The following ZNF609 variants were observed in gnomAD, a reference collection of about 807,000 sequenced individuals.
ZNF609 encodes the protein zinc finger protein 609.
Under a neutral mutation model 109.5 loss-of-function variants are expected in ZNF609, and 11 were observed. The ratio of observed to expected loss-of-function variants is 0.10; its 90% CI spans 0.06 to 0.17. ZNF609 has a LOEUF of 0.17. Among genes scored for constraint, ZNF609 ranks in the 10% least tolerant of loss-of-function variants. The pLI is 1.00. For missense variants in ZNF609, 1,559 were observed against 1,772.4 expected, an observed-to-expected ratio of 0.88 and a Z score of 2.16; for synonymous variants, 646 against 662.0, an observed-to-expected ratio of 0.98 and a Z score of 0.37.
At position 64,680,314 on chromosome 15, in the gene ZNF609, A is replaced by G; in HGVS notation, c.3899A>G (p.Asp1300Gly). The change falls in exon 7 of 10, where the codon GAC becomes GGC. Residue 1300 changes from aspartate (D) to glycine (G), a missense_variant. By Grantham distance (94) the Asp-to-Gly change is moderately conservative (BLOSUM62 -1). Coordinates refer to ENST00000326648, the MANE Select transcript of ZNF609 (RefSeq NM_015042.2). ...TCCAGCTCAGAGTCCAAAGCCCTGG[A>G]CATCTTGCAGCAGCATGCCAGTCAC... ...CKSSSESKAL[D>G]ILQQHASHYK... The G allele has an allele frequency of 6.2e-7, 1 of 1,614,200 alleles. No homozygotes were observed. The highest frequency in any genetic ancestry group is 1.1e-5 in the South Asian group (1 of 91,086).
At chr15:64,634,997 C>G (rs2140986152) in intron 3 of ZNF609, among the ~76,000 whole-genome samples, 1 of 152,280 alleles carries the variant, frequency 6.6e-6, no homozygotes, top group South Asian at 2.1e-4. Context: ...TATATGTCCA[C>G]TGTCATACAT....
chr15:64,522,729 G>A (rs1308096718), intron 2 of ZNF609, among the ~76,000 whole-genome samples: 1 of 152,122 alleles, frequency 6.6e-6, no homozygotes, highest in Non-Finnish European at 1.5e-5. Context: ...ATTTGCTTTC[G>A]TTGATGAGCT....
chr15:64,550,785 G>A (rs561968675), intron 2 of ZNF609, among the ~76,000 whole-genome samples: 3 of 145,564 alleles, frequency 2.1e-5, no homozygotes, highest in Admixed American at 7.0e-5. Context: ...GCAGTGAGCC[G>A]ATGATCGTGC....
Position 64,577,313 on chromosome 15 carries a change from A to G in ZNF609, c.748-45514A>G, listed in dbSNP as rs140790945. Among the ~76,000 whole-genome samples the G allele has an allele frequency of 7.2e-4, 15 of 20,732 alleles. 6 individuals carry two copies. The highest frequency in any genetic ancestry group is 3.5e-3 in the Non-Finnish European group (11 of 3,118). 13.6% of individuals were successfully genotyped at this position (20,732 alleles called of 152,430 possible). A position where few individuals can be genotyped will look rare whatever the true frequency, so the allele number is the denominator to read the frequency against. On this transcript the variant is annotated intron_variant, in intron 2 of 9. Coordinates refer to ENST00000326648, the MANE Select transcript of ZNF609 (RefSeq NM_015042.2). The stretch of plus-strand genomic sequence containing the variant: ...TACACACAAATATATACATATATGT[A>G]TATATATACACACAAATATATACAT...
chr15:64,517,276 C>T (rs1318029773), intron 2 of ZNF609, among the ~76,000 whole-genome samples: 1 of 152,124 alleles, frequency 6.6e-6, no homozygotes, highest in Non-Finnish European at 1.5e-5. Flanking sequence ...TCTCAGGAAG[C>T]TGAGGCAGGA....
intron 1 of ZNF609, among the ~76,000 whole-genome samples, chr15:64,469,014 GC>G (rs1893052949): frequency 8.3e-6 from 1 of 120,190 alleles, no homozygotes; most frequent in Non-Finnish European, 1.6e-5. Context: ...ACCAGCCTGG[GC>G]AACAGAGAGG....
chr15:64,625,938 G>T (rs6494483), intron 3 of ZNF609, among the ~76,000 whole-genome samples: 1,290 of 12,856 alleles, frequency 0.1, 17 homozygotes, highest in African/African-American at 0.16. Flanking sequence ...TATATATATA[G>T]AGAGAGAGAG....
At chr15:64,656,889 A>G (rs1254945532) in intron 3 of ZNF609, among the ~76,000 whole-genome samples, 1 of 152,062 alleles carries the variant, frequency 6.6e-6, no homozygotes, top group Non-Finnish European at 1.5e-5. Context: ...AGATTAGAAC[A>G]CAACTTTCCA....
At chr15:64,526,779 A>T (rs1695989197) in intron 2 of ZNF609, among the ~76,000 whole-genome samples, 1 of 152,124 alleles carries the variant, frequency 6.6e-6, no homozygotes, top group Non-Finnish European at 1.5e-5. Flanking sequence ...CTGGGACTAC[A>T]GACACATGCC....
At chr15:64,621,436 A>G (rs1895874761) in intron 2 of ZNF609, among the ~76,000 whole-genome samples, 1 of 151,842 alleles carries the variant, frequency 6.6e-6, no homozygotes, top group Non-Finnish European at 1.5e-5. Flanking sequence ...TGTAGCCTCA[A>G]CCTCCTGGGC....
chr15:64,676,374 A>G, intron 5 of ZNF609, 118 bp downstream of exon 5: 2 of 878,590 alleles, frequency 2.3e-6, no homozygotes, highest in Non-Finnish European at 1.7e-6. Context: ...GGAGAGATGT[A>G]TAATTTTAAG....
chr15:64,524,613 A>G (rs956710224), intron 2 of ZNF609, among the ~76,000 whole-genome samples: 2 of 151,366 alleles, frequency 1.3e-5, no homozygotes, highest in African/African-American at 2.4e-5. Flanking sequence ...CCTTTCACTT[A>G]GCATAATCTA....
chr15:64,512,896 C>T lies in ZNF609; in HGVS notation c.747+12730C>T, dbSNP rs1015065725. ...TGTTAGATGGGTAAATTGTGTGTCA[C>T]ATGGGTTTGGCGTGCAGATTATTTC... On this transcript the variant is annotated intron_variant, in intron 2 of 9. Transcript: ENST00000326648. Among the ~76,000 whole-genome samples, 11 of 152,056 alleles carry T rather than the reference C, an allele frequency of 7.2e-5. No homozygotes were observed. The East Asian group carries it at 1.7e-3, about 24-fold the overall frequency.
chr15:64,465,722 A>C (rs1264279830), intron 1 of ZNF609, among the ~76,000 whole-genome samples: 1 of 151,870 alleles, frequency 6.6e-6, no homozygotes, highest in Non-Finnish European at 1.5e-5. Context: ...GCACCTTTGT[A>C]ACTCTTTTCC....
At chr15:64,558,203 C>G (rs1423652423) in intron 2 of ZNF609, among the ~76,000 whole-genome samples, 1 of 152,088 alleles carries the variant, frequency 6.6e-6, no homozygotes, top group Non-Finnish European at 1.5e-5. Context: ...TTTTTGTTCT[C>G]CAAATTGTAA....
At chr15:64,520,898 T>C (rs986857202) in intron 2 of ZNF609, among the ~76,000 whole-genome samples, 4 of 152,084 alleles carry the variant, frequency 2.6e-5, no homozygotes, top group Non-Finnish European at 5.9e-5. Flanking sequence ...CCACCTTCTC[T>C]GCTACACTGA....
rs754175952 is a variant in ZNF609, at chr15:64,675,496, C to A, written c.2642C>A (p.Pro881His). The A allele has an allele frequency of 3.7e-6, 6 of 1,613,882 alleles. No individual in the cohort carries two copies. The East Asian group carries it at 1.1e-4, about 30-fold the overall frequency. ...VKEGAKKTLF[P>H]PQPQSKDSPY... ...GAAGGGGCTAAGAAAACTCTTTTTCCCCCTCAGCCTCAGAGCAAAGACTCA... is the reference window on the plus strand; with the variant it reads ...GAAGGGGCTAAGAAAACTCTTTTTCACCCTCAGCCTCAGAGCAAAGACTCA... The change falls in exon 5 of 10, where the codon CCC (proline) becomes CAC (histidine). Residue 881 changes from proline to histidine, a missense_variant. By Grantham distance (77) the Pro-to-His change is moderately conservative (BLOSUM62 -2). Transcript: ENST00000326648.
intron 1 of ZNF609, among the ~76,000 whole-genome samples, chr15:64,463,733 A>AT (rs1302996846): frequency 2.0e-5 from 3 of 152,122 alleles, no homozygotes; most frequent in Non-Finnish European, 4.4e-5. Flanking sequence ...ACCTTTATAT[A>AT]TTTTTTGATA....
In ZNF609 at chr15:64,670,351, T is replaced by G; in HGVS notation, c.979T>G (p.Leu327Val). 7.4e-6 allele frequency: 12 copies of G among 1,613,918 alleles called. No homozygotes were observed. The highest frequency in any genetic ancestry group is 1.0e-5 in the Non-Finnish European group (12 of 1,179,808). Residue 327 changes from leucine (L) to valine (V), a missense_variant, in exon 4 of 10, where the codon TTG becomes GTG. This residue lies in a region of ZNF609 where 38 missense variants were observed against 82.1 expected (regional missense o/e 0.46). Transcript: ENST00000326648. ...TATGTGCTCTTATTTTCCAGGGATG[T>G]TGGTGGTAAATGTAACGTGGAGGAA... ...IVWQETEDGMLVVNVTWRNKT... is the reference protein window; with the variant it reads ...IVWQETEDGMVVVNVTWRNKT...
Sources: gnomAD v4.1 joint callset for allele counts (sites outside exome capture counted in the v4.1 genomes callset) on GRCh38, gnomAD v4.1.1 for gene constraint, gnomAD v4.1.1 regional missense constraint, MANE v1.5 for transcripts, NCBI Gene and HGNC (gene_info 2026-07-23, HGNC 2026-07-21) for gene names.